Variants in SH3RF1 observed in about 807,000 individuals in gnomAD.
The protein encoded by SH3RF1 is SH3 domain containing ring finger 1.
A neutral mutation model predicts 74.0 loss-of-function variants in SH3RF1; 32 were observed. The ratio of observed to expected loss-of-function variants is 0.43; its 90% CI spans 0.33 to 0.58. SH3RF1 has a LOEUF of 0.58. Ranked by LOEUF, SH3RF1 falls within the 20% of genes least tolerant of loss-of-function variation. The pLI, the probability that SH3RF1 is intolerant of heterozygous loss-of-function variation, is 0.05. For synonymous variants in SH3RF1, 396 were observed against 439.6 expected (o/e 0.90, Z 1.24); for missense variants, 954 against 1,130.9 (o/e 0.84, Z 2.24).
At chr4:169,160,418 A>T (rs1017905390) in intron 2 of SH3RF1, among the ~76,000 whole-genome samples, 37 of 152,346 alleles carry the variant, frequency 2.4e-4, no homozygotes, top group African/African-American at 8.9e-4. Flanking sequence ...ACCAGTGGCA[A>T]GGAGAAAGCT....
chr4:169,211,149 C>G (rs1261133606), intron 2 of SH3RF1, among the ~76,000 whole-genome samples: 7 of 152,112 alleles, frequency 4.6e-5, no homozygotes, highest in Non-Finnish European at 1.0e-4. Context: ...CTTTGGTGAG[C>G]AGGATTTAGT....
intron 2 of SH3RF1, among the ~76,000 whole-genome samples, chr4:169,182,686 C>T (rs1056788144): frequency 6.6e-6 from 1 of 152,116 alleles, no homozygotes; most frequent in African/African-American, 2.4e-5. Context: ...CCTTTCTTCC[C>T]TCTCTTCATA....
At chr4:169,208,335 G>C (rs891611209) in intron 2 of SH3RF1, among the ~76,000 whole-genome samples, 4 of 151,872 alleles carry the variant, frequency 2.6e-5, no homozygotes, top group African/African-American at 9.7e-5. Context: ...AACACATTGT[G>C]CCCTCATTTT....
intron 2 of SH3RF1, among the ~76,000 whole-genome samples, chr4:169,170,699 A>G (rs1343683883): frequency 1.3e-5 from 2 of 152,098 alleles, no homozygotes; most frequent in African/African-American, 2.4e-5. Flanking sequence ...CCTTCATTCC[A>G]TCCTATATAG....
intron 2 of SH3RF1, among the ~76,000 whole-genome samples, chr4:169,173,855 A>C (rs1734370735): frequency 6.6e-6 from 1 of 152,084 alleles, no homozygotes; most frequent in African/African-American, 2.4e-5. Flanking sequence ...AAGATTTTTA[A>C]ATGTTTAAAA....
chr4:169,151,772 T>C (rs1396907338), intron 4 of SH3RF1, among the ~76,000 whole-genome samples: 1 of 152,194 alleles, frequency 6.6e-6, no homozygotes, highest in Non-Finnish European at 1.5e-5. Context: ...GTTGAAAAAC[T>C]GAGTGGGCGA....
At chr4:169,191,133 G>C (rs1290028497) in intron 2 of SH3RF1, among the ~76,000 whole-genome samples, 1 of 151,978 alleles carries the variant, frequency 6.6e-6, no homozygotes, top group Non-Finnish European at 1.5e-5. Context: ...ATGGGGAAAA[G>C]TTGAAATAAT....
intron 2 of SH3RF1, among the ~76,000 whole-genome samples, chr4:169,226,630 T>C (rs1022107079): frequency 4.6e-5 from 7 of 152,200 alleles, no homozygotes; most frequent in African/African-American, 1.7e-4. Flanking sequence ...CAGCAGCAAA[T>C]GACTTTAGGT....
chr4:169,131,803 T>C (rs1733625238), intron 5 of SH3RF1, among the ~76,000 whole-genome samples: 1 of 152,260 alleles, frequency 6.6e-6, no homozygotes, highest in African/African-American at 2.4e-5. Context: ...CTTCAGCCTC[T>C]GATTGGTTGC....
At chr4:169,187,041 G>C (rs1175431540) in intron 2 of SH3RF1, among the ~76,000 whole-genome samples, 1 of 150,820 alleles carries the variant, frequency 6.6e-6, no homozygotes, top group Non-Finnish European at 1.5e-5. Context: ...AAGAAAAAAA[G>C]AAAAGATTCT....
At chr4:169,158,685 T>C (rs989377603) in intron 2 of SH3RF1, among the ~76,000 whole-genome samples, 1 of 152,224 alleles carries the variant, frequency 6.6e-6, no homozygotes, top group South Asian at 2.1e-4. Context: ...TTAAGTTTAA[T>C]ATTTCCAATG....
chr4:169,173,771 A>G (rs1734369727), intron 2 of SH3RF1, among the ~76,000 whole-genome samples: 1 of 152,090 alleles, frequency 6.6e-6, no homozygotes, highest in South Asian at 2.1e-4. Context: ...TTAATAAGCT[A>G]CTTTTAAAGA....
At chr4:169,211,299 A>G (rs989121238) in intron 2 of SH3RF1, among the ~76,000 whole-genome samples, 12 of 151,996 alleles carry the variant, frequency 7.9e-5, no homozygotes, top group African/African-American at 2.7e-4. Context: ...TGGCTAACAC[A>G]GTGAAACCCT....
intron 6 of SH3RF1, among the ~76,000 whole-genome samples, chr4:169,128,200 T>C (rs1242792881): frequency 1.3e-5 from 2 of 152,214 alleles, no homozygotes; most frequent in African/African-American, 4.8e-5. Flanking sequence ...GTATGTGTAC[T>C]GTGAGTGGGA....
chr4:169,130,686 G>T (rs1036616669), intron 5 of SH3RF1, among the ~76,000 whole-genome samples: 1 of 152,228 alleles, frequency 6.6e-6, no homozygotes, highest in African/African-American at 2.4e-5. Context: ...GACATGCTTA[G>T]AGCGGGCAAT....
At chr4:169,121,639 G>A (rs1733437145) in intron 7 of SH3RF1, among the ~76,000 whole-genome samples, 1 of 152,168 alleles carries the variant, frequency 6.6e-6, no homozygotes, top group South Asian at 2.1e-4. Context: ...AACAGTTGGT[G>A]TATAAAATTA....
At chr4:169,218,164 A>G (rs1165722377) in intron 2 of SH3RF1, among the ~76,000 whole-genome samples, 1 of 146,556 alleles carries the variant, frequency 6.8e-6, no homozygotes. Context: ...TACATATATC[A>G]ATATATGTTA....
intron 2 of SH3RF1, among the ~76,000 whole-genome samples, chr4:169,178,263 A>C (rs573377930): frequency 1.7e-4 from 13 of 77,792 alleles, no homozygotes; most frequent in African/African-American, 1.9e-4. Flanking sequence ...AAATAAACAA[A>C]AAAAAAAAAT....
intron 2 of SH3RF1, among the ~76,000 whole-genome samples, chr4:169,178,272 A>C (rs572448825): frequency 3.4e-5 from 2 of 59,176 alleles, no homozygotes; most frequent in Non-Finnish European, 8.0e-5. Context: ...AAAAAAAAAA[A>C]TTTTTTTTTA....
Sources: gnomAD v4.1 joint callset for allele counts (sites outside exome capture counted in the v4.1 genomes callset) on GRCh38, gnomAD v4.1.1 for gene constraint, MANE v1.5 for transcripts, NCBI Gene and HGNC (gene_info 2026-07-23, HGNC 2026-07-21) for gene names.